Variants in NMT2 observed in about 807,000 individuals in gnomAD.
The protein encoded by NMT2 is glycylpeptide N-tetradecanoyltransferase 2.
Under a neutral mutation model 65.4 loss-of-function variants are expected in NMT2, and 35 were observed. The ratio of observed to expected loss-of-function variants is 0.54; its 90% CI spans 0.41 to 0.71. NMT2 has a LOEUF of 0.71. NMT2 is among the 30% of genes least tolerant of loss of function. The pLI is 0.00. For missense variants in NMT2, 489 were observed against 611.3 expected (o/e 0.80, Z 2.11); for synonymous variants, 226 against 231.8 (o/e 0.98, Z 0.23).
At position 15,106,569 on chromosome 10, in the gene NMT2, C is replaced by T. The variant is rs759900738; in HGVS notation, c.*2626G>A. On this transcript the variant is annotated 3_prime_UTR_variant, in exon 12 of 12. Coordinates refer to ENST00000378165, the MANE Select transcript of NMT2 (RefSeq NM_004808.3). ...AAGAGAGGTCCTATATTATGTACTA[C>T]TGTGGGGCCCAGTCGCCCTCTGGTG... The T allele has an allele frequency of 2.2e-4, 185 of 823,450 alleles. No homozygotes were observed. Among genetic ancestry groups the T allele is most frequent in the Non-Finnish European group, 2.5e-4 (169 of 682,062 alleles). The allele number at this position is 823,450 out of a possible 1,614,324, so 51.0% of individuals were successfully genotyped here. A position where few individuals can be genotyped will look rare whatever the true frequency, so the allele number is the denominator to read the frequency against.
At chr10:15,127,567 A>AAAAAAAAAAAAAAAAAAAAT (rs1846129417) in intron 8 of NMT2, among the ~76,000 whole-genome samples, 1 of 90,166 alleles carries the variant, frequency 1.1e-5, no homozygotes, top group African/African-American at 7.2e-5. Context: ...AAAAAAAAAA[A>AAAAAAAAAAAAAAAAAAAAT]AAATAAATAA....
chr10:15,147,408 T>G (rs1418362054), intron 1 of NMT2, among the ~76,000 whole-genome samples: 1 of 152,154 alleles, frequency 6.6e-6, no homozygotes, highest in East Asian at 1.9e-4. Context: ...ACAATACCTT[T>G]GTAAGGAAAA....
At chr10:15,135,899 G>A (rs865956855) in intron 2 of NMT2, among the ~76,000 whole-genome samples, 28 of 151,394 alleles carry the variant, frequency 1.8e-4, no homozygotes, top group African/African-American at 6.8e-4. Flanking sequence ...AGAAGAGAGA[G>A]AGAGAAAACA....
intron 9 of NMT2, among the ~76,000 whole-genome samples, chr10:15,114,963 T>C (rs1438537816): frequency 3.3e-5 from 5 of 151,798 alleles, no homozygotes; most frequent in African/African-American, 4.8e-5. Flanking sequence ...GATTGCACCA[T>C]TGTACTCCAG....
At chr10:15,125,569 G>A (rs950994851) in intron 8 of NMT2, among the ~76,000 whole-genome samples, 7 of 152,168 alleles carry the variant, frequency 4.6e-5, no homozygotes, top group Non-Finnish European at 7.3e-5. Flanking sequence ...ACTGAAATTT[G>A]GAGAGACCAA....
At chr10:15,163,250 T>C (rs368464384) in intron 1 of NMT2, among the ~76,000 whole-genome samples, 3 of 152,228 alleles carry the variant, frequency 2.0e-5, no homozygotes. Flanking sequence ...TTTTAAAACG[T>C]CATTAACATG....
chr10:15,149,972 A>AT (rs1216601317), intron 1 of NMT2, among the ~76,000 whole-genome samples: 3 of 152,144 alleles, frequency 2.0e-5, no homozygotes, highest in Admixed American at 1.3e-4. Context: ...ATCTTTGGAC[A>AT]TTTTTTATTC....
intron 2 of NMT2, among the ~76,000 whole-genome samples, chr10:15,140,046 G>A (rs773991242): frequency 1.3e-5 from 2 of 151,626 alleles, no homozygotes; most frequent in Non-Finnish European, 2.9e-5. Flanking sequence ...CACAACTAGT[G>A]AGCAAGGGGG....
Position 15,135,436 on chromosome 10 carries a change from G to C in NMT2, c.247-18C>G, listed in dbSNP as rs1229151657. 1 of 1,613,238 alleles carries C rather than the reference G, an allele frequency of 6.2e-7. No individual in the cohort carries two copies. The highest frequency in any genetic ancestry group is 1.7e-5 in the Admixed American group (1 of 59,900). Reference sequence around the variant, plus strand: ...CTGGGATTCTACGACAGCAAAGACAGACACAGAATATGAGAGAGCGGCTGC... The same window carrying C: ...CTGGGATTCTACGACAGCAAAGACACACACAGAATATGAGAGAGCGGCTGC... On this transcript the variant is annotated intron_variant, in intron 2 of 11. Coordinates refer to ENST00000378165, the MANE Select transcript of NMT2 (RefSeq NM_004808.3).
intron 8 of NMT2, among the ~76,000 whole-genome samples, chr10:15,124,896 G>A (rs1172474346): frequency 6.6e-6 from 1 of 152,182 alleles, no homozygotes; most frequent in East Asian, 1.9e-4. Context: ...ACTGGGGCAA[G>A]CCAATGAGAA....
chr10:15,154,631 T>C (rs61844194), intron 1 of NMT2, among the ~76,000 whole-genome samples: 12,372 of 152,254 alleles, frequency 0.081, 595 homozygotes, highest in East Asian at 0.13. Flanking sequence ...AACTTAACTC[T>C]GCAATCCAGC....
chr10:15,136,915 A>C (rs1316309865), intron 2 of NMT2, among the ~76,000 whole-genome samples: 1 of 152,126 alleles, frequency 6.6e-6, no homozygotes, highest in African/African-American at 2.4e-5. Context: ...CAGAGGACTG[A>C]ATATGGAAAT....
intron 8 of NMT2, among the ~76,000 whole-genome samples, chr10:15,125,365 A>T (rs1229050898): frequency 2.0e-5 from 3 of 152,240 alleles, no homozygotes; most frequent in Non-Finnish European, 4.4e-5. Context: ...CCAGGAGAAG[A>T]TTGACTCTTG....
chr10:15,121,027 T>G (rs74607609), intron 8 of NMT2, among the ~76,000 whole-genome samples: 2,164 of 152,322 alleles, frequency 0.014, 52 homozygotes, highest in African/African-American at 0.046. Context: ...TAAAAGCTCC[T>G]GACATCACTT....
chr10:15,135,480 G>C, intron 2 of NMT2, 62 bp from the exon 3 acceptor site: 2 of 1,560,042 alleles, frequency 1.3e-6, no homozygotes, highest in Non-Finnish European at 1.8e-6. Flanking sequence ...AACTTGAGCA[G>C]ACGCACGTGC....
Position 15,141,550 on chromosome 10 carries a change from C to A in NMT2, c.118G>T (p.Gly40Ter). 1 of 1,610,142 alleles carries A rather than the reference C, an allele frequency of 6.2e-7. No homozygotes were observed. The highest frequency in any genetic ancestry group is 8.5e-7 in the Non-Finnish European group (1 of 1,178,304). ...EETEHAKGSP[G>*]GYLGAKKKKK... is the part of the protein sequence containing the mutation. The stretch of plus-strand genomic sequence containing the variant: ...TTCTTTTTGGCTCCCAAATACCCTC[C>A]AGGACTTCTGCAGGAAATGCAAAGA... Residue 40 changes from glycine (G) to a stop codon, truncating the protein, a stop_gained, in exon 2 of 12, where the codon GGA (glycine) becomes TGA (stop). Coordinates refer to ENST00000378165, the MANE Select transcript of NMT2 (RefSeq NM_004808.3). LOFTEE classifies it high-confidence loss of function.
chr10:15,135,818 G>A lies in NMT2; in HGVS notation c.247-400C>T, dbSNP rs767804321. 4.7e-4 allele frequency among the ~76,000 whole-genome samples: 72 copies of A among 151,998 alleles called. No individual in the cohort carries two copies. The Middle Eastern group carries it at 0.014, about 29-fold the overall frequency. ...AGAGTAAATGCTCTGCAGGAGCAAC[G>A]AGGGGATGAAGGAAAGAACTTCTAG... is the stretch of plus-strand genomic sequence containing the variant. On this transcript the variant is annotated intron_variant, in intron 2 of 11. Coordinates refer to ENST00000378165, the MANE Select transcript of NMT2 (RefSeq NM_004808.3).
chr10:15,123,309 G>A (rs1415901924), intron 8 of NMT2, among the ~76,000 whole-genome samples: 3 of 152,044 alleles, frequency 2.0e-5, no homozygotes, highest in Non-Finnish European at 2.9e-5. Flanking sequence ...CACTTTGGGA[G>A]GCTGAGGCAG....
At chr10:15,109,672 G>C (rs779127750) in intron 11 of NMT2, 30 bp downstream of exon 11, 2 of 1,534,978 alleles carry the variant, frequency 1.3e-6, no homozygotes, top group Non-Finnish European at 1.8e-6. Context: ...CATTTGTTGA[G>C]TTTACAAGGG....
Sources: gnomAD v4.1 joint callset for allele counts (sites outside exome capture counted in the v4.1 genomes callset) on GRCh38, gnomAD v4.1.1 for gene constraint, MANE v1.5 for transcripts, NCBI Gene and HGNC (gene_info 2026-07-23, HGNC 2026-07-21) for gene names.